GSE1: variants seen among roughly 807,000 people sequenced by gnomAD.
GSE1 encodes Gse1 coiled-coil protein, also known as genetic suppressor element 1.
GSE1 carries 32 observed loss-of-function variants against 112.6 expected under a neutral mutation model. The ratio of observed to expected loss-of-function variants is 0.28; its 90% CI spans 0.21 to 0.38. The LOEUF is 0.38. GSE1 is among the 10% of genes least tolerant of loss of function. GSE1 has a pLI of 1.00. For missense variants in GSE1, 2,348 were observed against 1,699.2 expected, an observed-to-expected ratio of 1.38 and a Z score of -6.71; for synonymous variants, 1,115 against 735.6, an observed-to-expected ratio of 1.52 and a Z score of -8.35.
chr16:85,175,557 C>T (rs1210726147), intron 1 of GSE1, among the ~76,000 whole-genome samples: 4 of 152,196 alleles, frequency 2.6e-5, no homozygotes, highest in Admixed American at 6.5e-5. Flanking sequence ...GATGCGTTGA[C>T]GCCCCCTTCC....
rs139598898 is a variant in GSE1, at chr16:85,268,159, G to C, written c.2284-89304G>C. On this transcript the variant is annotated intron_variant, in intron 1 of 2. Coordinates refer to the GSE1 transcript ENST00000637419. ...CAGTGCTGTCTATCCTGCTGCCTTG[G>C]GGGGATTGCTTGGGGCCCAGGGAAG... Among the ~76,000 whole-genome samples the C allele has an allele frequency of 2.7e-3, 407 of 152,242 alleles. 1 individual carries two copies. The highest frequency in any genetic ancestry group is 4.0e-3 in the Non-Finnish European group (271 of 68,022).
chr16:85,524,696 A>G (rs1475752716), intron 2 of GSE1, among the ~76,000 whole-genome samples: 1 of 152,144 alleles, frequency 6.6e-6, no homozygotes, highest in Non-Finnish European at 1.5e-5. Context: ...GCCTGAGGCC[A>G]GGCCTGTAAT....
At chr16:85,613,823 C>T (rs1427224402) in intron 1 of GSE1, among the ~76,000 whole-genome samples, 6 of 107,798 alleles carry the variant, frequency 5.6e-5, no homozygotes, top group African/African-American at 1.8e-4. Flanking sequence ...TGCGCCCCCG[C>T]GGCAGGTGCT....
chr16:85,196,230 G>A (rs551711084), intron 1 of GSE1, among the ~76,000 whole-genome samples: 1 of 152,284 alleles, frequency 6.6e-6, no homozygotes, highest in African/African-American at 2.4e-5. Flanking sequence ...CCTGAGTGAG[G>A]CCCCTGAAAT....
rs191832591 is a variant in GSE1 at position 85,398,230 on chromosome 16, C to T, written c.2464+40587C>T. On this transcript the variant is annotated intron_variant, in intron 2 of 2. Coordinates refer to the GSE1 transcript ENST00000637419. Reference sequence around the variant, plus strand: ...TGAGCACTGGGTGAGATGAAGTGAGCAGGTGAAGAATTCAGGCGTCTTTGG... The same window carrying T: ...TGAGCACTGGGTGAGATGAAGTGAGTAGGTGAAGAATTCAGGCGTCTTTGG... 8.5e-5 allele frequency among the ~76,000 whole-genome samples: 13 copies of T among 152,224 alleles called. No homozygotes were observed. In the East Asian group the frequency reaches 2.3e-3, roughly 27 times the overall value.
intron 1 of GSE1, among the ~76,000 whole-genome samples, chr16:85,589,341 G>C (rs976369469): frequency 6.6e-6 from 1 of 152,176 alleles, no homozygotes; most frequent in Non-Finnish European, 1.5e-5. Context: ...AGAGGGAGAG[G>C]GCTGTGGACC....
chr16:85,658,650 G>C (rs1178835397), intron 8 of GSE1, among the ~76,000 whole-genome samples: 1 of 152,176 alleles, frequency 6.6e-6, no homozygotes, highest in African/African-American at 2.4e-5. Flanking sequence ...CACACTGCCC[G>C]GCACGGCCGA....
intron 1 of GSE1, among the ~76,000 whole-genome samples, chr16:85,198,610 C>T (rs2074972241): frequency 6.6e-6 from 1 of 152,130 alleles, no homozygotes; most frequent in South Asian, 2.1e-4. Flanking sequence ...CTGCCGTCTT[C>T]CCTGGACAGT....
chr16:85,259,261 G>T (rs530258982), intron 1 of GSE1, among the ~76,000 whole-genome samples: 2 of 152,206 alleles, frequency 1.3e-5, no homozygotes, highest in African/African-American at 4.8e-5. Context: ...TGCAGCCCCC[G>T]TCCTGCCCTG....
intron 2 of GSE1, among the ~76,000 whole-genome samples, chr16:85,547,692 G>A (rs2044748251): frequency 6.6e-6 from 1 of 151,260 alleles, no homozygotes; most frequent in Admixed American, 6.6e-5. Context: ...ACCAGCCTGG[G>A]CAACATGGTG....
At chr16:85,414,441 C>T (rs981819372) in intron 2 of GSE1, among the ~76,000 whole-genome samples, 1 of 152,184 alleles carries the variant, frequency 6.6e-6, no homozygotes, top group African/African-American at 2.4e-5. Context: ...CCACATCTCT[C>T]GCATTTTCTA....
At chr16:85,633,378 A>T (rs1014178137) in intron 1 of GSE1, among the ~76,000 whole-genome samples, 6 of 152,002 alleles carry the variant, frequency 3.9e-5, no homozygotes, top group Non-Finnish European at 5.9e-5. Flanking sequence ...CTTTTCTGTA[A>T]CGTGGGGCAG....
At chr16:85,227,797 T>A (rs1428217626) in intron 1 of GSE1, among the ~76,000 whole-genome samples, 1 of 152,218 alleles carries the variant, frequency 6.6e-6, no homozygotes, top group Non-Finnish European at 1.5e-5. Flanking sequence ...GTTGACTGAT[T>A]GATTCATTCA....
chr16:85,469,203 C>A (rs1369133122), intron 2 of GSE1, among the ~76,000 whole-genome samples: 1 of 151,910 alleles, frequency 6.6e-6, no homozygotes, highest in Non-Finnish European at 1.5e-5. Context: ...TTGCAGTGAG[C>A]CGAGATCGTG....
intron 1 of GSE1, among the ~76,000 whole-genome samples, chr16:85,350,172 A>G (rs887516621): frequency 3.9e-5 from 6 of 152,184 alleles, no homozygotes; most frequent in African/African-American, 9.7e-5. Context: ...CAAGTAAGGC[A>G]GGGGTTACTA....
intron 2 of GSE1, among the ~76,000 whole-genome samples, chr16:85,426,199 C>CTGGATGGATGGA (rs146456524): frequency 4.3e-5 from 6 of 138,214 alleles, no homozygotes; most frequent in Admixed American, 2.2e-4. Context: ...AGATGGATGG[C>CTGGATGGATGGA]TGGATGGATG....
At chr16:85,520,120 G>A (rs1471860074) in intron 2 of GSE1, among the ~76,000 whole-genome samples, 1 of 152,200 alleles carries the variant, frequency 6.6e-6, no homozygotes, top group African/African-American at 2.4e-5. Flanking sequence ...GAGGCTGAAA[G>A]TCCAAGATCA....
chr16:85,398,498 C>T (rs547190848), intron 2 of GSE1, among the ~76,000 whole-genome samples: 1 of 152,110 alleles, frequency 6.6e-6, no homozygotes, highest in Admixed American at 6.5e-5. Flanking sequence ...CTGGGGATAC[C>T]CCTGCAACCC....
At chr16:85,283,137 G>T (rs1459974694) in intron 1 of GSE1, 4 of 152,826 alleles carry the variant, frequency 2.6e-5, no homozygotes, top group Admixed American at 1.3e-4. Flanking sequence ...GGTGGCTGCT[G>T]ACCAGGGTAG....
Sources: allele counts gnomAD v4.1 joint callset (sites outside exome capture counted in the v4.1 genomes callset), GRCh38; gene constraint gnomAD v4.1.1; transcripts MANE v1.5; gene names NCBI Gene and HGNC (gene_info 2026-07-23, HGNC 2026-07-21).